PHLPP1: variants seen among roughly 807,000 people sequenced by gnomAD.
PHLPP1 encodes PH domain leucine-rich repeat-containing protein phosphatase 1.
Under a neutral mutation model 117.2 loss-of-function variants are expected in PHLPP1, and 42 were observed. The observed-to-expected ratio is 0.36, with a 90% CI of 0.28 to 0.46. PHLPP1 has a LOEUF of 0.46. Ranked by LOEUF, PHLPP1 falls within the 20% of genes least tolerant of loss-of-function variation. The pLI, the probability that PHLPP1 is intolerant of heterozygous loss-of-function variation, is 1.00. For synonymous variants in PHLPP1, 1,042 were observed against 970.7 expected (o/e 1.07, Z -1.37); for missense variants, 2,084 against 2,241.9 (o/e 0.93, Z 1.42).
At position 62,972,720 on chromosome 18, in the gene PHLPP1, A is replaced by G. The variant is rs1409576694; in HGVS notation, c.3755+12A>G. 6.3e-7 allele frequency: 1 copy of G among 1,587,546 alleles called. No individual in the cohort carries two copies. On this transcript the variant is annotated intron_variant, in intron 15 of 16. Transcript: ENST00000262719. The stretch of plus-strand genomic sequence containing the variant: ...ATTGTCATGCAAAGGTAAAACTCAG[A>G]GTTCCTGCTTACCTGCTGTGTGTTT...
intron 1 of PHLPP1, among the ~76,000 whole-genome samples, chr18:62,727,506 T>C (rs929353848): frequency 2.0e-5 from 3 of 151,614 alleles, no homozygotes; most frequent in African/African-American, 7.3e-5. Flanking sequence ...TCCTAGCTAC[T>C]TGGGAAGCTG....
At chr18:62,961,729 A>G (rs1334100603) in intron 13 of PHLPP1, among the ~76,000 whole-genome samples, 1 of 152,214 alleles carries the variant, frequency 6.6e-6, no homozygotes. Flanking sequence ...AAAACTTTGA[A>G]AAAAAGATTT....
In PHLPP1 at chr18:62,716,697, C is replaced by T; in HGVS notation, c.1014C>T (p.Arg338=). The change falls in exon 1 of 17, where the codon CGC becomes CGT. Residue 338 remains arginine (R), a synonymous_variant. Transcript: ENST00000262719. This position sits in a 1 kb window ranked among gnomAD's most constrained non-coding sequence, Gnocchi z 5.7. ...TTGGGGGCCCTGTCTCTTCGCCCCG[C>T]GCCCCACGGCCTGTGGTCTCCGACA... ...PFVGGPVSSP[R]APRPVVSDTE... is the part of the protein sequence containing the mutation. The T allele has an allele frequency of 2.0e-6, 3 of 1,475,300 alleles. No individual in the cohort carries two copies. The highest frequency in any genetic ancestry group is 2.7e-6 in the Non-Finnish European group (3 of 1,115,350). 91.4% of individuals were successfully genotyped at this position (1,475,300 alleles called of 1,614,324 possible).
chr18:62,720,968 C>T lies in PHLPP1; in HGVS notation c.1576+3709C>T, dbSNP rs144613016. 5.4e-3 allele frequency among the ~76,000 whole-genome samples: 822 copies of T among 152,250 alleles called. 4 individuals carry two copies. Among genetic ancestry groups the T allele is most frequent in the African/African-American group, 0.019 (786 of 41,550 alleles). Reference sequence around the variant, plus strand: ...AGAGAGATCTGACTCGTCGTATTTCCGTCCTCGGGAGGGCGGAGAATAGAG... The same window carrying T: ...AGAGAGATCTGACTCGTCGTATTTCTGTCCTCGGGAGGGCGGAGAATAGAG... On this transcript the variant is annotated intron_variant, in intron 1 of 16. Coordinates refer to ENST00000262719, the MANE Select transcript of PHLPP1 (RefSeq NM_194449.4).
intron 1 of PHLPP1, among the ~76,000 whole-genome samples, chr18:62,823,577 A>G (rs1001763611): frequency 6.7e-6 from 1 of 149,506 alleles, no homozygotes; most frequent in African/African-American, 2.5e-5. Flanking sequence ...ATATATCTAT[A>G]TATATCTACA....
chr18:62,788,206 AG>A (rs1346907335), intron 1 of PHLPP1, among the ~76,000 whole-genome samples: 1 of 152,224 alleles, frequency 6.6e-6, no homozygotes, highest in Non-Finnish European at 1.5e-5. Context: ...TTGTTAACAG[AG>A]AACCCCTAGG....
At chr18:62,872,036 G>A (rs911866933) in intron 4 of PHLPP1, among the ~76,000 whole-genome samples, 2 of 152,152 alleles carry the variant, frequency 1.3e-5, no homozygotes, top group Non-Finnish European at 2.9e-5. Flanking sequence ...TATAGAGGAG[G>A]CAAAACTTTA....
At chr18:62,802,285 A>T (rs565534636) in intron 1 of PHLPP1, among the ~76,000 whole-genome samples, 1 of 152,336 alleles carries the variant, frequency 6.6e-6, no homozygotes, top group African/African-American at 2.4e-5. Context: ...GAACAGCAAG[A>T]AAACAGTGGA....
chr18:62,979,672 A>G lies in PHLPP1; in HGVS notation c.*241A>G, dbSNP rs1911319734. ...ATTTGTTAACTTCTCCCCCTAACAT[A>G]TCAGATATGTAAAGACAAAGAACAA... On this transcript the variant is annotated 3_prime_UTR_variant, in exon 17 of 17. Coordinates refer to ENST00000262719, the MANE Select transcript of PHLPP1 (RefSeq NM_194449.4). 1 of 541,816 alleles carries G rather than the reference A, an allele frequency of 1.8e-6. No homozygotes were observed. Among genetic ancestry groups the G allele is most frequent in the African/African-American group, 1.9e-5 (1 of 53,054 alleles). The allele number at this position is 541,816 out of a possible 1,614,324, so 33.6% of individuals were successfully genotyped here.
intron 14 of PHLPP1, among the ~76,000 whole-genome samples, chr18:62,970,507 G>A (rs1027018976): frequency 6.6e-6 from 1 of 152,182 alleles, no homozygotes; most frequent in African/African-American, 2.4e-5. Context: ...GCTCATGCCT[G>A]TAATCCCAGC....
intron 1 of PHLPP1, among the ~76,000 whole-genome samples, chr18:62,741,771 C>T (rs1422864777): frequency 1.3e-5 from 2 of 150,824 alleles, no homozygotes; most frequent in African/African-American, 4.9e-5. Context: ...GCTTGGGTTA[C>T]AGGGTACGTG....
intron 10 of PHLPP1, among the ~76,000 whole-genome samples, chr18:62,928,055 C>T (rs1356460278): frequency 1.3e-5 from 2 of 152,026 alleles, no homozygotes; most frequent in East Asian, 1.9e-4. Context: ...AAGGTAATAA[C>T]GGAGTAATGT....
At chr18:62,940,055 T>G (rs558411494) in intron 10 of PHLPP1, among the ~76,000 whole-genome samples, 10 of 152,226 alleles carry the variant, frequency 6.6e-5, no homozygotes, top group African/African-American at 2.4e-4. Flanking sequence ...CTAACTCTTG[T>G]AGGCAAGTGC....
At chr18:62,825,631 T>G (rs1270012598) in intron 1 of PHLPP1, 1 of 151,738 alleles carries the variant, frequency 6.6e-6, no homozygotes, top group Non-Finnish European at 1.5e-5. Flanking sequence ...CAGCTAATTT[T>G]TTTATGGAGA....
At chr18:62,787,452 G>A (rs1479977181) in intron 1 of PHLPP1, among the ~76,000 whole-genome samples, 1 of 152,184 alleles carries the variant, frequency 6.6e-6, no homozygotes, top group Non-Finnish European at 1.5e-5. Context: ...AGAGGCTTGA[G>A]CCACCGTGCC....
chr18:62,906,220 TC>T (rs1412366356), intron 8 of PHLPP1: 1 of 152,258 alleles, frequency 6.6e-6, no homozygotes, highest in African/African-American at 2.4e-5. Flanking sequence ...ATTTTAATAA[TC>T]TATTCAATCA....
At chr18:62,924,747 A>G (rs899673174) in intron 10 of PHLPP1, among the ~76,000 whole-genome samples, 14 of 144,860 alleles carry the variant, frequency 9.7e-5, no homozygotes, top group African/African-American at 3.3e-4. Context: ...CTGAGGTGGG[A>G]GGATCCCTTG....
At chr18:62,875,556 C>T (rs528233799) in intron 4 of PHLPP1, among the ~76,000 whole-genome samples, 1 of 151,966 alleles carries the variant, frequency 6.6e-6, no homozygotes, top group Non-Finnish European at 1.5e-5. Context: ...ATCAAGTCCC[C>T]CTCAGAGGTC....
intron 14 of PHLPP1, among the ~76,000 whole-genome samples, chr18:62,965,661 GTTGGCTAGGCCAGTC>G (rs1452851613): frequency 1.3e-5 from 2 of 150,834 alleles, no homozygotes; most frequent in East Asian, 1.9e-4. Flanking sequence ...GTTTCACCAT[GTTGGCTAGGCCAGTC>G]TTGAACTCCT....
Sources: gnomAD v4.1 joint callset for allele counts (sites outside exome capture counted in the v4.1 genomes callset) on GRCh38, gnomAD v4.1.1 for gene constraint, Gnocchi (gnomAD v3.1) non-coding constraint, MANE v1.5 for transcripts, NCBI Gene and HGNC (gene_info 2026-07-23, HGNC 2026-07-21) for gene names.